ENOX1: variants seen among roughly 807,000 people sequenced by gnomAD.
The protein encoded by ENOX1 is ecto-NOX disulfide-thiol exchanger 1, also known as candidate growth-related and time keeping constitutive hydroquinone (NADH) oxidase.
In ENOX1, 42 loss-of-function variants were observed where a neutral mutation model predicts 82.5. The observed-to-expected ratio is 0.51, with a 90% CI of 0.40 to 0.66. ENOX1 has a LOEUF of 0.66. Among genes scored for constraint, ENOX1 ranks in the 30% least tolerant of loss-of-function variants. The pLI, the probability that ENOX1 is intolerant of heterozygous loss-of-function variation, is 0.00. For missense variants in ENOX1, 608 were observed against 811.6 expected, an observed-to-expected ratio of 0.75 and a Z score of 3.05; for synonymous variants, 271 against 282.2, an observed-to-expected ratio of 0.96 and a Z score of 0.40.
At chr13:43,667,969 AGACG>A (rs2085068445) in intron 1 of ENOX1, among the ~76,000 whole-genome samples, 2 of 152,340 alleles carry the variant, frequency 1.3e-5, no homozygotes, top group Admixed American at 6.5e-5. Context: ...GACTGGTATC[AGACG>A]TACTGTTTTT....
chr13:43,756,804 C>T (rs2153833709), intron 1 of ENOX1, among the ~76,000 whole-genome samples: 1 of 152,084 alleles, frequency 6.6e-6, no homozygotes, highest in South Asian at 2.1e-4. Flanking sequence ...CTAGTTATAA[C>T]TGTCCCACTG....
At chr13:43,346,883 C>G (rs964400789) in intron 8 of ENOX1, among the ~76,000 whole-genome samples, 70 of 150,106 alleles carry the variant, frequency 4.7e-4, no homozygotes, top group Non-Finnish European at 8.0e-4. Context: ...TTTTTTTTTT[C>G]CTCTGAAAAG....
rs58912569 is a variant in ENOX1 at position 43,589,216 on chromosome 13, G to GAAA, written c.-219+78260_-219+78262dup. Among the ~76,000 whole-genome samples the GAAA allele has an allele frequency of 5.5e-3, 441 of 79,718 alleles. 4 individuals are homozygous for GAAA. The highest frequency in any genetic ancestry group is 0.013 in the African/African-American group (244 of 18,906). 52.3% of individuals were successfully genotyped at this position (79,718 alleles called of 152,430 possible). On this transcript the variant is annotated intron_variant, in intron 2 of 16. Coordinates refer to ENST00000690772, the MANE Select transcript of ENOX1 (RefSeq NM_001347969.2). ...GAACCCAGAGCTTTGGACATTAATG[G>GAAA]AAAAAAAAAAAAAAAAAAAAAAAGC...
chr13:43,284,534 G>A (rs375947390), intron 12 of ENOX1, among the ~76,000 whole-genome samples: 2 of 152,242 alleles, frequency 1.3e-5, no homozygotes, highest in East Asian at 3.9e-4. Flanking sequence ...TGGTGGTGGA[G>A]GGCATAAAAA....
chr13:43,213,544 C>CTTTTTTTTTTTTTTTTTTTTT lies in ENOX1; in HGVS notation c.*425_*445dup, dbSNP rs3043205. The CTTTTTTTTTTTTTTTTTTTTT allele has an allele frequency of 3.6e-5, 3 of 84,006 alleles. No homozygotes were observed. The highest frequency in any genetic ancestry group is 1.4e-4 in the Admixed American group (1 of 7,144). The allele number at this position is 84,006 out of a possible 1,614,324, so 5.2% of individuals were successfully genotyped here. Reference sequence around the variant, plus strand: ...TTTTTCTTTTTTTCTTTTTCTTTTTCTTTTTTTTTTTTTTTTTTTTTTTAC... The same window carrying CTTTTTTTTTTTTTTTTTTTTT: ...TTTTTCTTTTTTTCTTTTTCTTTTTCTTTTTTTTTTTTTTTTTTTTTTTTTTTTTTTTTTTTTTTTTTTTAC... On this transcript the variant is annotated 3_prime_UTR_variant, in exon 17 of 17. Transcript: ENST00000690772.
chr13:43,514,178 T>C (rs1034175824), intron 2 of ENOX1, among the ~76,000 whole-genome samples: 2 of 152,192 alleles, frequency 1.3e-5, no homozygotes, highest in Non-Finnish European at 2.9e-5. Flanking sequence ...CTATTAAAGT[T>C]GAGGTAGAAT....
intron 7 of ENOX1, among the ~76,000 whole-genome samples, chr13:43,359,216 G>T (rs1361131110): frequency 6.6e-6 from 1 of 152,222 alleles, no homozygotes; most frequent in Non-Finnish European, 1.5e-5. Flanking sequence ...CTGAGAATGT[G>T]TCCTTCCAAA....
intron 8 of ENOX1, among the ~76,000 whole-genome samples, chr13:43,352,698 A>G (rs769898498): frequency 6.6e-6 from 1 of 152,182 alleles, no homozygotes; most frequent in Non-Finnish European, 1.5e-5. Flanking sequence ...TAGAATTTGT[A>G]TTAATGTAAC....
At chr13:43,387,949 A>G (rs2052531980) in intron 5 of ENOX1, among the ~76,000 whole-genome samples, 1 of 152,158 alleles carries the variant, frequency 6.6e-6, no homozygotes, top group Non-Finnish European at 1.5e-5. Context: ...AGTACTTCAG[A>G]CTGCTCAGGA....
chr13:43,395,620 T>A (rs1458891990), intron 5 of ENOX1, among the ~76,000 whole-genome samples: 1 of 152,238 alleles, frequency 6.6e-6, no homozygotes, highest in East Asian at 1.9e-4. Context: ...GGTGTGATTA[T>A]CTTCCTATAT....
intron 2 of ENOX1, among the ~76,000 whole-genome samples, chr13:43,622,816 A>ATTCCTTAGAT (rs1471666075): frequency 1.3e-5 from 2 of 152,082 alleles, no homozygotes; most frequent in Non-Finnish European, 2.9e-5. Context: ...GGGTCCTAGA[A>ATTCCTTAGAT]TTCCTAAGAT....
At chr13:43,379,757 G>T (rs2051899847) in intron 5 of ENOX1, among the ~76,000 whole-genome samples, 1 of 151,808 alleles carries the variant, frequency 6.6e-6, no homozygotes, top group Non-Finnish European at 1.5e-5. Context: ...ACAAATAATG[G>T]CTGAAGATTA....
At chr13:43,265,558 ATAAAACT>A (rs947237210) in intron 13 of ENOX1, 104 bp from the exon 14 acceptor site, 2 of 970,004 alleles carry the variant, frequency 2.1e-6, no homozygotes, top group African/African-American at 3.2e-5. Context: ...GTTGCATTTT[ATAAAACT>A]TCCAATGAGA....
chr13:43,326,314 G>T, intron 10 of ENOX1, 105 bp downstream of exon 10: 1 of 883,868 alleles, frequency 1.1e-6, no homozygotes, highest in Non-Finnish European at 1.8e-6. Context: ...GACAATGGCA[G>T]GCGGACTGCC....
intron 5 of ENOX1, among the ~76,000 whole-genome samples, chr13:43,368,998 C>T (rs1237816817): frequency 6.6e-6 from 1 of 152,036 alleles, no homozygotes; most frequent in African/African-American, 2.4e-5. Context: ...CCTCTAGTGA[C>T]ACTGCACTCA....
chr13:43,767,695 C>A (rs1308623425), intron 1 of ENOX1, among the ~76,000 whole-genome samples: 1 of 152,264 alleles, frequency 6.6e-6, no homozygotes, highest in African/African-American at 2.4e-5. Context: ...AAAGCACTTA[C>A]AGTGAGCAGG....
intron 1 of ENOX1, among the ~76,000 whole-genome samples, chr13:43,699,605 A>G (rs2086812476): frequency 6.6e-6 from 1 of 152,200 alleles, no homozygotes; most frequent in Non-Finnish European, 1.5e-5. Flanking sequence ...TTCAAATGCT[A>G]CTAGGTTTGC....
intron 14 of ENOX1, among the ~76,000 whole-genome samples, chr13:43,240,133 T>C (rs983422845): frequency 6.6e-6 from 1 of 152,224 alleles, no homozygotes; most frequent in African/African-American, 2.4e-5. Flanking sequence ...TGGAATTAAT[T>C]AATTCCCAAA....
chr13:43,554,818 A>G (rs762970521), intron 2 of ENOX1, among the ~76,000 whole-genome samples: 3 of 152,092 alleles, frequency 2.0e-5, no homozygotes, highest in Non-Finnish European at 4.4e-5. Context: ...GGGCTCAAGC[A>G]ATCCATCTGC....
Sources: allele counts gnomAD v4.1 joint callset (sites outside exome capture counted in the v4.1 genomes callset), GRCh38; gene constraint gnomAD v4.1.1; transcripts MANE v1.5; gene names NCBI Gene and HGNC (gene_info 2026-07-23, HGNC 2026-07-21).